DYTN: variants seen among roughly 807,000 people sequenced by gnomAD.
The protein encoded by DYTN is dystrotelin.
A neutral mutation model predicts 69.6 loss-of-function variants in DYTN; 75 were observed. That is an observed-to-expected ratio of 1.08 (90% CI 0.89 to 1.31). The LOEUF is 1.31. Ranked by LOEUF, DYTN falls within the 50% of genes most tolerant of loss-of-function variation. DYTN has a pLI of 0.00. For synonymous variants in DYTN, 252 were observed against 249.1 expected, an observed-to-expected ratio of 1.01 and a Z score of -0.11; for missense variants, 726 against 688.4, an observed-to-expected ratio of 1.05 and a Z score of -0.61.
chr2:206,653,580 A>G (rs1342176225), intron 11 of DYTN, among the ~76,000 whole-genome samples: 1 of 152,204 alleles, frequency 6.6e-6, no homozygotes, highest in Non-Finnish European at 1.5e-5. Flanking sequence ...AGATGTAGAA[A>G]TGAAAAAGTA....
At chr2:206,694,682 T>A (rs1230545164) in intron 8 of DYTN, 84 bp downstream of exon 8, 2 of 1,116,662 alleles carry the variant, frequency 1.8e-6, no homozygotes, top group African/African-American at 1.6e-5. Context: ...AATCTGTGGT[T>A]TCACTGGAGG....
chr2:206,661,465 G>A (rs910717391), intron 11 of DYTN, among the ~76,000 whole-genome samples: 4 of 152,076 alleles, frequency 2.6e-5, no homozygotes, highest in African/African-American at 7.2e-5. Context: ...GGTTTGAACT[G>A]TATGGGTTCA....
intron 3 of DYTN, 90 bp from the exon 4 acceptor site, chr2:206,705,963 C>A: frequency 7.1e-7 from 1 of 1,413,928 alleles, no homozygotes; most frequent in South Asian, 1.3e-5. Flanking sequence ...TATTAATGGG[C>A]ATTTCTGATA....
chr2:206,709,470 C>T (rs1478380667), intron 2 of DYTN, among the ~76,000 whole-genome samples: 2 of 151,950 alleles, frequency 1.3e-5, no homozygotes, highest in African/African-American at 4.8e-5. Context: ...GACACACACA[C>T]ACACACACAC....
chr2:206,684,748 C>T (rs968626887), intron 9 of DYTN, among the ~76,000 whole-genome samples: 6 of 152,158 alleles, frequency 3.9e-5, no homozygotes, highest in Admixed American at 6.5e-5. Flanking sequence ...TCTTCTTCCC[C>T]ATTTTCTTCT....
At chr2:206,669,991 C>T (rs1050672856) in intron 9 of DYTN, among the ~76,000 whole-genome samples, 2 of 152,192 alleles carry the variant, frequency 1.3e-5, no homozygotes, top group African/African-American at 4.8e-5. Flanking sequence ...AAACTTCTTA[C>T]TGGGGAGCCA....
chr2:206,698,963 T>C (rs1254987603), intron 7 of DYTN, among the ~76,000 whole-genome samples: 9 of 152,224 alleles, frequency 5.9e-5, no homozygotes, highest in Admixed American at 5.9e-4. Context: ...TGTAGGTTAT[T>C]TAACTTCTCT....
intron 9 of DYTN, among the ~76,000 whole-genome samples, chr2:206,683,395 G>A (rs1371565879): frequency 1.4e-5 from 2 of 140,758 alleles, no homozygotes; most frequent in Non-Finnish European, 3.0e-5. Flanking sequence ...CCAGGCTGGA[G>A]TGCAGTGGCT....
Position 206,651,797 on chromosome 2 carries a change from C to T in DYTN, c.*21G>A. On this transcript the variant is annotated 3_prime_UTR_variant, in exon 12 of 12. Coordinates refer to ENST00000452335, the MANE Select transcript of DYTN (RefSeq NM_001093730.1). ...TGCATTTTGTCATCACACCAAGAGG[C>T]CTTTGAGCCTGGACTCCATTTCACT... is the stretch of plus-strand genomic sequence containing the variant. 1 of 1,606,244 alleles carries T rather than the reference C, an allele frequency of 6.2e-7. No homozygotes were observed. Among genetic ancestry groups the T allele is most frequent in the South Asian group, 1.1e-5 (1 of 90,900 alleles).
At chr2:206,673,312 C>T (rs891027917) in intron 9 of DYTN, among the ~76,000 whole-genome samples, 2 of 152,134 alleles carry the variant, frequency 1.3e-5, no homozygotes, top group African/African-American at 4.8e-5. Flanking sequence ...GGCTGGAGTG[C>T]AATGGCACAG....
chr2:206,675,145 G>GTGTGTGTGTGTGTGTATATA (rs1415225495), intron 9 of DYTN, among the ~76,000 whole-genome samples: 13 of 120,422 alleles, frequency 1.1e-4, no homozygotes, highest in South Asian at 5.2e-4. Context: ...GTGTGTGTGT[G>GTGTGTGTGTGTGTGTATATA]TATATATGTG....
chr2:206,672,933 G>T, intron 9 of DYTN, among the ~76,000 whole-genome samples: 1 of 152,132 alleles, frequency 6.6e-6, no homozygotes, highest in East Asian at 1.9e-4. Flanking sequence ...AAAAAAACTT[G>T]CATTTTGAGT....
chr2:206,652,383 C>G (rs1414002566), intron 11 of DYTN, among the ~76,000 whole-genome samples: 1 of 152,120 alleles, frequency 6.6e-6, no homozygotes, highest in Non-Finnish European at 1.5e-5. Flanking sequence ...CTATAGTTAC[C>G]TGATTAATGG....
intron 7 of DYTN, among the ~76,000 whole-genome samples, chr2:206,697,894 C>T (rs1699938104): frequency 6.6e-6 from 1 of 152,204 alleles, no homozygotes. Context: ...GTCACTCAAA[C>T]TCTTTGAGAC....
intron 7 of DYTN, 33 bp downstream of exon 7, chr2:206,699,694 T>C (rs1301877738): frequency 1.3e-6 from 2 of 1,599,018 alleles, no homozygotes; most frequent in Non-Finnish European, 8.5e-7. Flanking sequence ...ATATGGAGAA[T>C]GATAATCCAA....
intron 7 of DYTN, among the ~76,000 whole-genome samples, chr2:206,697,164 G>A (rs1699928118): frequency 6.6e-6 from 1 of 152,132 alleles, no homozygotes; most frequent in African/African-American, 2.4e-5. Flanking sequence ...AGGATAATAT[G>A]CTGCTCTATC....
chr2:206,694,813 T>A lies in DYTN; in HGVS notation c.784A>T (p.Ser262Cys). Reference protein sequence around the residue: ...CQMCFLSGLHSKSHQKSHPVI... With the variant: ...CQMCFLSGLHCKSHQKSHPVI... Reference sequence around the variant, plus strand: ...GGATGAGACTTCTGATGGGACTTGCTGTGAAGACCAGATAAGAAACACATC... The same window carrying A: ...GGATGAGACTTCTGATGGGACTTGCAGTGAAGACCAGATAAGAAACACATC... The change falls in exon 8 of 12, where the codon AGC becomes TGC. Residue 262 changes from serine to cysteine, a missense_variant. Coordinates refer to ENST00000452335, the MANE Select transcript of DYTN (RefSeq NM_001093730.1). 1 of 1,611,548 alleles carries A rather than the reference T, an allele frequency of 6.2e-7. No individual in the cohort carries two copies. Among genetic ancestry groups the A allele is most frequent in the Non-Finnish European group, 8.5e-7 (1 of 1,179,226 alleles).
Position 206,705,972 on chromosome 2 carries a change from T to A in DYTN, c.297-99A>T. On this transcript the variant is annotated intron_variant, in intron 3 of 11. Transcript: ENST00000452335. ...CATAACTATTAATGGGCATTTCTGATATGGTGCTATAAGTTCCAACTTTTT... is the reference window on the plus strand; with the variant it reads ...CATAACTATTAATGGGCATTTCTGAAATGGTGCTATAAGTTCCAACTTTTT... 4 of 1,353,648 alleles carry A rather than the reference T, an allele frequency of 3.0e-6. No homozygotes were observed. The South Asian group carries it at 5.2e-5, about 18-fold the overall frequency. 83.9% of individuals were successfully genotyped at this position (1,353,648 alleles called of 1,614,324 possible). A position where few individuals can be genotyped will look rare whatever the true frequency, so the allele number is the denominator to read the frequency against.
At chr2:206,677,034 C>T (rs1443704667) in intron 9 of DYTN, among the ~76,000 whole-genome samples, 1 of 152,130 alleles carries the variant, frequency 6.6e-6, no homozygotes, top group African/African-American at 2.4e-5. Flanking sequence ...ACAGCCTCTG[C>T]CTCCCAGGTT....
Sources: gnomAD v4.1 joint callset for allele counts (sites outside exome capture counted in the v4.1 genomes callset) on GRCh38, gnomAD v4.1.1 for gene constraint, MANE v1.5 for transcripts, NCBI Gene and HGNC (gene_info 2026-07-23, HGNC 2026-07-21) for gene names.